The following RHAG variants were observed in gnomAD, a reference collection of about 807,000 sequenced individuals.
The protein encoded by RHAG is ammonium transporter Rh type A.
In RHAG, 25 loss-of-function variants were observed where a neutral mutation model predicts 42.4. The observed-to-expected ratio is 0.59, with a 90% CI of 0.43 to 0.82. The LOEUF (loss-of-function observed/expected upper bound fraction) is 0.82. RHAG is among the 40% of genes least tolerant of loss of function. The pLI is 0.00. For missense variants in RHAG, 483 were observed against 504.6 expected (o/e 0.96, Z 0.41); for synonymous variants, 182 against 177.7 (o/e 1.02, Z -0.19).
chr6:49,631,443 T>C (rs1465404619), intron 1 of RHAG, among the ~76,000 whole-genome samples: 8 of 152,216 alleles, frequency 5.3e-5, no homozygotes, highest in African/African-American at 1.9e-4. Context: ...TTTTATGCAA[T>C]ATTTCTATGG....
At position 49,611,740 on chromosome 6, in the gene RHAG, CTT is replaced by C. The variant is rs796656135; in HGVS notation, c.946-597_946-596del. Among the ~76,000 whole-genome samples, 816 of 143,586 alleles carry C rather than the reference CTT, an allele frequency of 5.7e-3. 8 individuals are homozygous for C. The highest frequency in any genetic ancestry group is 0.02 in the African/African-American group (774 of 39,202). The allele number at this position is 143,586 out of a possible 152,430, so 94.2% of individuals were successfully genotyped here. ...CCTACTGATGACATCCTAAATCTCT[CTT>C]TTTTTTTTTTTTCTTTTGAGACAGA... On this transcript the variant is annotated intron_variant, in intron 6 of 9. Coordinates refer to ENST00000371175, the MANE Select transcript of RHAG (RefSeq NM_000324.3).
At chr6:49,618,560 C>T (rs1403570261) in intron 2 of RHAG, among the ~76,000 whole-genome samples, 1 of 152,126 alleles carries the variant, frequency 6.6e-6, no homozygotes, top group Non-Finnish European at 1.5e-5. Flanking sequence ...CTCCCTGTAG[C>T]TGAGATGGAA....
intron 2 of RHAG, among the ~76,000 whole-genome samples, chr6:49,618,913 T>C (rs1184610610): frequency 6.6e-6 from 1 of 152,176 alleles, no homozygotes. Context: ...AAGATCAAGA[T>C]GCTGACAGAC....
intron 1 of RHAG, among the ~76,000 whole-genome samples, chr6:49,627,967 C>T (rs780228122): frequency 2.6e-5 from 4 of 152,184 alleles, no homozygotes; most frequent in Non-Finnish European, 2.9e-5. Flanking sequence ...CACTTAATAA[C>T]TCAACATGTT....
At chr6:49,624,275 G>A (rs1272586416) in intron 1 of RHAG, among the ~76,000 whole-genome samples, 4 of 151,972 alleles carry the variant, frequency 2.6e-5, no homozygotes, top group Admixed American at 6.6e-5. Flanking sequence ...GCGCAATCTC[G>A]GCTCACTGCA....
intron 9 of RHAG, among the ~76,000 whole-genome samples, chr6:49,606,275 G>T (rs563559788): frequency 1.5e-4 from 23 of 152,028 alleles, no homozygotes; most frequent in South Asian, 4.1e-4. Flanking sequence ...AATTTCTTTT[G>T]TTTTTTGTTT....
Position 49,615,382 on chromosome 6 carries a change from T to C in RHAG, c.640+242A>G, listed in dbSNP as rs1322040543. 8.3e-6 allele frequency: 3 copies of C among 359,888 alleles called. No homozygotes were observed. The Admixed American group carries it at 1.2e-4, about 15-fold the overall frequency. 22.3% of individuals were successfully genotyped at this position (359,888 alleles called of 1,614,324 possible). On this transcript the variant is annotated intron_variant, in intron 4 of 9. Coordinates refer to ENST00000371175, the MANE Select transcript of RHAG (RefSeq NM_000324.3). ...AGATGCTCATTTTTTCAAAGTTTAA[T>C]TGAATTTATTATTATTATTATTATT...
intron 1 of RHAG, among the ~76,000 whole-genome samples, chr6:49,623,202 T>C (rs1012115815): frequency 6.6e-6 from 1 of 152,174 alleles, no homozygotes; most frequent in African/African-American, 2.4e-5. Flanking sequence ...TGTTTTTCCC[T>C]CTTCTGATGT....
intron 1 of RHAG, among the ~76,000 whole-genome samples, chr6:49,629,810 C>T (rs1433713651): frequency 6.6e-6 from 1 of 152,008 alleles, no homozygotes; most frequent in Non-Finnish European, 1.5e-5. Context: ...CCCTCATTGC[C>T]CGGGGCCGGC....
intron 1 of RHAG, among the ~76,000 whole-genome samples, chr6:49,623,712 G>A (rs1762799531): frequency 6.6e-6 from 1 of 152,196 alleles, no homozygotes; most frequent in Non-Finnish European, 1.5e-5. Context: ...TTGCTGTGGT[G>A]AATAGGACAG....
Position 49,607,040 on chromosome 6 carries a change from C to A in RHAG, c.1138+110G>T, listed in dbSNP as rs1762480764. 1.1e-5 allele frequency: 14 copies of A among 1,226,810 alleles called. No individual in the cohort carries two copies. In the South Asian group the frequency reaches 1.6e-4, roughly 14 times the overall value. The allele number at this position is 1,226,810 out of a possible 1,614,324, so 76.0% of individuals were successfully genotyped here. A position where few individuals can be genotyped will look rare whatever the true frequency, so the allele number is the denominator to read the frequency against. On this transcript the variant is annotated intron_variant, in intron 8 of 9. Coordinates refer to ENST00000371175, the MANE Select transcript of RHAG (RefSeq NM_000324.3). ...TTTAAATGACATAATTACTTTACTG[C>A]CAGAAGTTTAGAACATTTTTGAATT... is the stretch of plus-strand genomic sequence containing the variant.
intron 1 of RHAG, among the ~76,000 whole-genome samples, chr6:49,629,574 T>C (rs1762900657): frequency 6.7e-6 from 1 of 149,944 alleles, no homozygotes; most frequent in Admixed American, 6.6e-5. Context: ...GGGTGGTCGA[T>C]GGGACTGGGC....
At chr6:49,629,667 G>A (rs766936123) in intron 1 of RHAG, among the ~76,000 whole-genome samples, 37 of 152,162 alleles carry the variant, frequency 2.4e-4, no homozygotes, top group African/African-American at 6.8e-4. Context: ...CAGGCATGGC[G>A]GGCTGCAGGT....
Position 49,619,316 on chromosome 6 carries a change from G to A in RHAG, c.204C>T (p.Leu68=). 1 of 1,614,156 alleles carries A rather than the reference G, an allele frequency of 6.2e-7. No individual in the cohort carries two copies. ...AGCCATATTTCTTCAGGAAGGTCAT[G>A]AGGAAGCCAAACCCAACAAATATCA... ...HVMIFVGFGF[L]MTFLKKYGFS... The change falls in exon 2 of 10, where the codon CTC becomes CTT. Residue 68 remains leucine, a synonymous_variant. Coordinates refer to ENST00000371175, the MANE Select transcript of RHAG (RefSeq NM_000324.3).
In RHAG at chr6:49,619,089, C is replaced by A. The variant is rs556159035; in HGVS notation, c.341+90G>T. 191 of 1,422,922 alleles carry A rather than the reference C, an allele frequency of 1.3e-4. 4 individuals carry two copies. In the South Asian group the frequency reaches 2.0e-3, roughly 15 times the overall value. The allele number at this position is 1,422,922 out of a possible 1,614,324, so 88.1% of individuals were successfully genotyped here. A position where few individuals can be genotyped will look rare whatever the true frequency, so the allele number is the denominator to read the frequency against. On this transcript the variant is annotated intron_variant, in intron 2 of 9. Transcript: ENST00000371175. ...TGACCTGGTCACCTCCCCAGTCCCCCACCTCTTAATATCATCATGTTGGAG... is the reference window on the plus strand; with the variant it reads ...TGACCTGGTCACCTCCCCAGTCCCCAACCTCTTAATATCATCATGTTGGAG...
At chr6:49,610,665 C>A (rs550275591) in intron 7 of RHAG, among the ~76,000 whole-genome samples, 56 of 152,234 alleles carry the variant, frequency 3.7e-4, no homozygotes, top group Non-Finnish European at 7.2e-4. Flanking sequence ...TTGGATGGAA[C>A]TGACTGTTCA....
intron 4 of RHAG, 106 bp from the exon 5 acceptor site, chr6:49,614,959 TA>T: frequency 9.0e-7 from 1 of 1,110,810 alleles, no homozygotes; most frequent in Non-Finnish European, 1.3e-6. Context: ...TTTATTTATT[TA>T]TTTTTGAGAT....
At chr6:49,613,066 C>T (rs908759165) in intron 5 of RHAG, among the ~76,000 whole-genome samples, 2 of 149,252 alleles carry the variant, frequency 1.3e-5, no homozygotes, top group African/African-American at 5.0e-5. Flanking sequence ...GAAAGAGGAA[C>T]TGATTTTTTT....
intron 1 of RHAG, among the ~76,000 whole-genome samples, chr6:49,620,264 T>C (rs1762730808): frequency 6.6e-6 from 1 of 152,152 alleles, no homozygotes; most frequent in Non-Finnish European, 1.5e-5. Flanking sequence ...ATAATCCAAG[T>C]GGGATCACCT....
Sources: gnomAD v4.1 joint callset for allele counts (sites outside exome capture counted in the v4.1 genomes callset) on GRCh38, gnomAD v4.1.1 for gene constraint, MANE v1.5 for transcripts, NCBI Gene and HGNC (gene_info 2026-07-23, HGNC 2026-07-21) for gene names.